Variants in RYR1 observed in about 807,000 individuals in gnomAD.
RYR1 encodes the protein ryanodine receptor 1, also known as central core disease of muscle.
In RYR1, 342 loss-of-function variants were observed where a neutral mutation model predicts 583.5. The observed-to-expected ratio is 0.59, with a 90% CI of 0.54 to 0.64. The LOEUF (loss-of-function observed/expected upper bound fraction) is 0.64, where lower values mean the gene tolerates loss of function less well. Ranked by LOEUF, RYR1 falls within the 30% of genes least tolerant of loss-of-function variation. RYR1 has a pLI of 0.00. For synonymous variants in RYR1, 2,791 were observed against 2,822.5 expected, an observed-to-expected ratio of 0.99 and a Z score of 0.35; for missense variants, 6,032 against 6,917.2, an observed-to-expected ratio of 0.87 and a Z score of 4.54.
rs1969715085 is a variant in RYR1, at chr19:38,494,550, G to T, written c.6473G>T (p.Cys2158Phe). 1 of 1,613,964 alleles carries T rather than the reference G, an allele frequency of 6.2e-7. No individual in the cohort carries two copies. Among genetic ancestry groups the T allele is most frequent in the African/African-American group, 1.3e-5 (1 of 74,952 alleles). Reference sequence around the variant, plus strand: ...GAAGACACCATGAGCCTGCTCGAGTGCCTCGGCCAGATCCGCTCGCTGCTC... The same window carrying T: ...GAAGACACCATGAGCCTGCTCGAGTTCCTCGGCCAGATCCGCTCGCTGCTC... ...SVEDTMSLLE[C>F]LGQIRSLLIV... Residue 2158 changes from cysteine to phenylalanine, a missense_variant, in exon 39 of 106, where the codon TGC (cysteine) becomes TTC (phenylalanine). Cys to Phe is a radical substitution (Grantham distance 205, BLOSUM62 -2). This residue lies in a region of RYR1 where 2,627 missense variants were observed against 2,961.3 expected (regional missense o/e 0.89). Transcript: ENST00000359596.
In RYR1 at chr19:38,466,148, G is replaced by T; in HGVS notation, c.2928G>T (p.Leu976=). The change falls in exon 24 of 106, where the codon CTG becomes CTT. Residue 976 remains leucine (L), a synonymous_variant. Coordinates refer to ENST00000359596, the MANE Select transcript of RYR1 (RefSeq NM_000540.3). ...CGCTGGACCTGAGCCACGTGCGGCT[G>T]ACGCCGGCGCAGACGACACTGGTGG... ...PAPLDLSHVR[L]TPAQTTLVDR... is the part of the protein sequence containing the mutation. 6.2e-7 allele frequency: 1 copy of T among 1,613,388 alleles called. No homozygotes were observed. The highest frequency in any genetic ancestry group is 8.5e-7 in the Non-Finnish European group (1 of 1,179,892).
Position 38,500,641 on chromosome 19 carries a change from C to A in RYR1, c.7359C>A (p.Ile2453=). 6 of 1,613,748 alleles carry A rather than the reference C, an allele frequency of 3.7e-6. No homozygotes were observed. The highest frequency in any genetic ancestry group is 5.1e-6 in the Non-Finnish European group (6 of 1,180,024). ...CCGGCAAGGGTGAGGCCCTGCGGAT[C>A]CGCGCCATCCTCCGCTCCCTTGTGC... The part of the protein sequence containing the change: ...IQAGKGEALR[I]RAILRSLVPL... Residue 2453 remains isoleucine, a synonymous_variant, in exon 46 of 106, where the codon ATC becomes ATA. Transcript: ENST00000359596. This position sits in a 1 kb window ranked among gnomAD's most constrained non-coding sequence, Gnocchi z 5.9.
chr19:38,479,056 C>T (rs1394453677), intron 31 of RYR1, among the ~76,000 whole-genome samples: 2 of 152,230 alleles, frequency 1.3e-5, no homozygotes, highest in Non-Finnish European at 2.9e-5. Flanking sequence ...GCGTGAGCCA[C>T]CACACCCAGC....
chr19:38,467,461 A>G (rs1008685568), intron 24 of RYR1, 149 bp from the exon 25 acceptor site: 8 of 865,204 alleles, frequency 9.2e-6, no homozygotes, highest in Middle Eastern at 2.4e-4. Context: ...AGGTTCCCCA[A>G]TTCTCCTCTA....
At chr19:38,494,993 C>T (rs1029159380) in intron 39 of RYR1, among the ~76,000 whole-genome samples, 12 of 152,036 alleles carry the variant, frequency 7.9e-5, no homozygotes, top group African/African-American at 2.9e-4. Context: ...GCTGGGATTA[C>T]AGGCACGCAC....
chr19:38,518,570 G>A (rs1383166344), intron 66 of RYR1, among the ~76,000 whole-genome samples: 1 of 152,090 alleles, frequency 6.6e-6, no homozygotes, highest in South Asian at 2.1e-4. Flanking sequence ...ACATAGTGAG[G>A]TAAGACTCTG....
intron 34 of RYR1, among the ~76,000 whole-genome samples, chr19:38,488,728 C>A (rs1454777408): frequency 6.6e-6 from 1 of 152,132 alleles, no homozygotes; most frequent in Non-Finnish European, 1.5e-5. Context: ...TGGTCTCGAA[C>A]TCCTGGCCTC....
chr19:38,437,222 T>C (rs1972467598), intron 1 of RYR1, among the ~76,000 whole-genome samples: 1 of 151,992 alleles, frequency 6.6e-6, no homozygotes, highest in Admixed American at 6.6e-5. Flanking sequence ...GGCTAATTTT[T>C]GTACTTTTAA....
rs112130553 is a variant in RYR1, at chr19:38,559,733, A to G, written c.12283-1380A>G. 3.9e-5 allele frequency among the ~76,000 whole-genome samples: 6 copies of G among 152,280 alleles called. 1 individual carries two copies. The highest frequency in any genetic ancestry group is 1.4e-4 in the African/African-American group (6 of 41,566). ...CAAAGTTCTGGGGTTTTTACAAAGC[A>G]CTTTTGAGAGCCAGAAAATTTTGCT... On this transcript the variant is annotated intron_variant, in intron 89 of 105. Transcript: ENST00000359596.
intron 28 of RYR1, among the ~76,000 whole-genome samples, chr19:38,474,558 C>T (rs1397529821): frequency 2.1e-5 from 3 of 143,756 alleles, no homozygotes; most frequent in Non-Finnish European, 4.5e-5. Context: ...CTACCACGCC[C>T]GGCTCCTTTT....
intron 27 of RYR1, among the ~76,000 whole-genome samples, chr19:38,470,398 T>C (rs913212903): frequency 1.4e-5 from 2 of 146,446 alleles, no homozygotes; most frequent in Non-Finnish European, 3.0e-5. Context: ...ATTACACGAC[T>C]GCACTCCAGC....
chr19:38,527,177 C>G, intron 72 of RYR1, 125 bp downstream of exon 72: 1 of 1,054,428 alleles, frequency 9.5e-7, no homozygotes, highest in Non-Finnish European at 1.4e-6. Context: ...GAGTTTGAGA[C>G]CAGCCTGGCC....
Position 38,572,112 on chromosome 19 carries a change from T to G in RYR1, c.13840T>G (p.Leu4614Val). The change falls in exon 95 of 106, where the codon TTG (leucine) becomes GTG (valine). Residue 4614 changes from leucine (L) to valine (V), a missense_variant. Physicochemically the swap from Leu to Val is conservative, Grantham distance 32 (BLOSUM62 1). Transcript: ENST00000359596. ...AGSGGSSGWG[L>V]GAGEEAEGDE... Reference sequence around the variant, plus strand: ...CTCTGGTGGCAGCTCTGGCTGGGGCTTGGGGGCCGGAGAGGAGGCAGAGGG... The same window carrying G: ...CTCTGGTGGCAGCTCTGGCTGGGGCGTGGGGGCCGGAGAGGAGGCAGAGGG... 8 of 1,614,086 alleles carry G rather than the reference T, an allele frequency of 5.0e-6. No homozygotes were observed. Among genetic ancestry groups the G allele is most frequent in the Non-Finnish European group, 5.1e-6 (6 of 1,180,010 alleles).
At chr19:38,549,283 G>A (rs1015006725) in intron 89 of RYR1, among the ~76,000 whole-genome samples, 10 of 152,046 alleles carry the variant, frequency 6.6e-5, no homozygotes, top group African/African-American at 2.2e-4. Context: ...AATGGGGATA[G>A]GATAATCACA....
intron 89 of RYR1, among the ~76,000 whole-genome samples, chr19:38,550,626 T>G (rs1268280574): frequency 2.0e-5 from 3 of 152,104 alleles, no homozygotes; most frequent in African/African-American, 7.2e-5. Context: ...TCCTCCTGCC[T>G]CAGCCACCCA....
Position 38,499,306 on chromosome 19 carries a change from G to A in RYR1, c.7027+63G>A, listed in dbSNP as rs3745852. 8,343 of 1,611,672 alleles carry A rather than the reference G, an allele frequency of 5.2e-3. 231 individuals carry two copies. The East Asian group carries it at 0.072, about 14-fold the overall frequency. The stretch of plus-strand genomic sequence containing the variant: ...GAGTCACTGGTCACACACCTCCCTC[G>A]AGATGACTGCTCGCACCCTGAGCCA... On this transcript the variant is annotated intron_variant, in intron 43 of 105. Coordinates refer to ENST00000359596, the MANE Select transcript of RYR1 (RefSeq NM_000540.3). This position sits in a 1 kb window ranked among gnomAD's most constrained non-coding sequence, Gnocchi z 7.3.
chr19:38,570,473 TAATA>T (rs554612907), intron 93 of RYR1, 130 bp from the exon 94 acceptor site: 94 of 442,328 alleles, frequency 2.1e-4, no homozygotes, highest in Non-Finnish European at 2.7e-4. Flanking sequence ...TAATAATAAT[TAATA>T]AATAAATAGG....
At chr19:38,448,259 T>A (rs1966890222) in intron 9 of RYR1, 96 bp from the exon 10 acceptor site, 2 of 1,384,090 alleles carry the variant, frequency 1.4e-6, no homozygotes, top group Non-Finnish European at 2.0e-6. Flanking sequence ...TAGCAAGACC[T>A]GGTTTCTGTA....
rs766839127 is a variant in RYR1, at chr19:38,499,768, C to T, written c.7161C>T (p.Ser2387=). 6.9e-6 allele frequency: 11 copies of T among 1,602,562 alleles called. No homozygotes were observed. The highest frequency in any genetic ancestry group is 3.3e-5 in the Admixed American group (2 of 59,788). The change falls in exon 44 of 106, where the codon TCC becomes TCT. Residue 2387 remains serine (S), a synonymous_variant. Coordinates refer to ENST00000359596, the MANE Select transcript of RYR1 (RefSeq NM_000540.3). This position sits in a 1 kb window ranked among gnomAD's most constrained non-coding sequence, Gnocchi z 7.3. ...CCATCGAAGAGGCCATCCGCATCTC[C>T]GAGGACCCTGCGAGGGATGGCCCAG... ...LAAIEEAIRI[S]EDPARDGPGI...
Sources: gnomAD v4.1 joint callset for allele counts (sites outside exome capture counted in the v4.1 genomes callset) on GRCh38, gnomAD v4.1.1 for gene constraint, gnomAD v4.1.1 regional missense constraint, Gnocchi (gnomAD v3.1) non-coding constraint, MANE v1.5 for transcripts, NCBI Gene and HGNC (gene_info 2026-07-23, HGNC 2026-07-21) for gene names.